NEXMIF: variants seen among roughly 807,000 people sequenced by gnomAD.
The protein encoded by NEXMIF is XLMR protein related to neurite extension.
In NEXMIF, 8 loss-of-function variants were observed where a neutral mutation model predicts 62.1. The ratio of observed to expected loss-of-function variants is 0.13; its 90% CI spans 0.08 to 0.23. The LOEUF (loss-of-function observed/expected upper bound fraction) is 0.23. Among genes scored for constraint, NEXMIF ranks in the 10% least tolerant of loss-of-function variants. The pLI is 1.00. For synonymous variants in NEXMIF, 404 were observed against 416.6 expected (o/e 0.97, Z 0.37); for missense variants, 976 against 1,113.3 (o/e 0.88, Z 1.75).
chrX:74,873,664 C>T (rs1404096537), intron 1 of NEXMIF, among the ~76,000 whole-genome samples: 1 of 111,918 alleles, frequency 8.9e-6, no homozygotes, highest in African/African-American at 3.2e-5. Context: ...TGTTTCCTGA[C>T]TTTTTAATGA....
At chrX:74,744,920 TTC>T (rs1569336174) in intron 2 of NEXMIF, among the ~76,000 whole-genome samples, 1 of 44,621 alleles carries the variant, frequency 2.2e-5, no homozygotes, top group African/African-American at 6.2e-5. Context: ...TCTCTCTCTC[TTC>T]TCTCTCTCCT....
chrX:74,805,067 C>T (rs1338469382), intron 1 of NEXMIF, among the ~76,000 whole-genome samples: 1 of 112,483 alleles, frequency 8.9e-6, no homozygotes, highest in Non-Finnish European at 1.9e-5. Flanking sequence ...GCTGTGCTCT[C>T]CCTCTTTCAA....
intron 3 of NEXMIF, 124 bp downstream of exon 3, chrX:74,739,976 G>T: frequency 1.7e-6 from 1 of 578,983 alleles, no homozygotes; most frequent in Non-Finnish European, 2.7e-6. Flanking sequence ...AAAAAGAAGG[G>T]AATGGGACAG....
intron 1 of NEXMIF, among the ~76,000 whole-genome samples, chrX:74,763,714 G>A (rs1030160549): frequency 1.4e-3 from 30 of 21,168 alleles, no homozygotes; most frequent in Non-Finnish European, 3.9e-3. Context: ...TAGGTATTTT[G>A]TTCTCTTTGA....
chrX:74,744,215 A>G lies in NEXMIF; in HGVS notation c.342T>C (p.Leu114=), dbSNP rs1569336011. 6.6e-6 allele frequency: 8 copies of G among 1,209,504 alleles called. No individual in the cohort carries two copies. The highest frequency in any genetic ancestry group is 8.9e-6 in the Non-Finnish European group (8 of 895,134). The change falls in exon 3 of 4, where the codon CTT becomes CTC. Residue 114 remains leucine, a synonymous_variant. Coordinates refer to ENST00000055682, the MANE Select transcript of NEXMIF (RefSeq NM_001008537.3). ...ATGGAGCTTTCTCACATTCATTGGG[A>G]AGTGACCATGTGTTCAGGCCTTTTG... ...GIAKGLNTWS[L]PNECEKAPFA... is the part of the protein sequence containing the mutation.
At chrX:74,858,318 A>G (rs1281773344) in intron 1 of NEXMIF, among the ~76,000 whole-genome samples, 1 of 112,120 alleles carries the variant, frequency 8.9e-6, no homozygotes, top group Non-Finnish European at 1.9e-5. Context: ...CTCAGCACAG[A>G]AAGAGAGAGA....
Position 74,741,925 on chromosome X carries a change from A to G in NEXMIF, c.2632T>C (p.Phe878Leu), listed in dbSNP as rs1213707117. ...CTATAGTTGCTTGATTCCATTTTGA[A>G]GTTATGAGATGACTGCTGCAGCTCA... ...DSELQQSSHNFKMESSNYRNV... is the reference protein window; with the variant it reads ...DSELQQSSHNLKMESSNYRNV... Residue 878 changes from phenylalanine (F) to leucine (L), a missense_variant, in exon 3 of 4, where the codon TTC (phenylalanine) becomes CTC (leucine). By Grantham distance (22) the Phe-to-Leu change is conservative. This residue lies in a region of NEXMIF where 639 missense variants were observed against 694.5 expected (regional missense o/e 0.92). Transcript: ENST00000055682. 2.5e-6 allele frequency: 3 copies of G among 1,211,709 alleles called. No homozygotes were observed. In the South Asian group the frequency reaches 5.3e-5, roughly 21 times the overall value.
chrX:74,833,454 A>G (rs757095612), intron 1 of NEXMIF, among the ~76,000 whole-genome samples: 1 of 111,123 alleles, frequency 9.0e-6, no homozygotes, highest in South Asian at 3.8e-4. Flanking sequence ...CTTTATTTTC[A>G]GTCCATGTAT....
At chrX:74,802,766 A>G (rs1231910168) in intron 1 of NEXMIF, among the ~76,000 whole-genome samples, 1 of 111,597 alleles carries the variant, frequency 9.0e-6, no homozygotes, top group Non-Finnish European at 1.9e-5. Flanking sequence ...CGTTTCACAC[A>G]GAGAATTCAA....
At chrX:74,882,145 G>C (rs951947848) in intron 1 of NEXMIF, among the ~76,000 whole-genome samples, 4 of 109,978 alleles carry the variant, frequency 3.6e-5, no homozygotes, top group East Asian at 2.9e-4. Context: ...TGATAGACTG[G>C]ATAAAGAAAA....
At position 74,744,405 on chromosome X, in the gene NEXMIF, G is replaced by A. The variant is rs200276575; in HGVS notation, c.152C>T (p.Pro51Leu). Reference protein sequence around the residue: ...LEAAAPIQPTPVAQKETLMYP... With the variant: ...LEAAAPIQPTLVAQKETLMYP... ...CATCAGGGTCTCTTTTTGTGCCACCGGTGTAGGCTGGATAGGTGCAGCAGC... is the reference window on the plus strand; with the variant it reads ...CATCAGGGTCTCTTTTTGTGCCACCAGTGTAGGCTGGATAGGTGCAGCAGC... Residue 51 changes from proline to leucine, a missense_variant, in exon 3 of 4, where the codon CCG (proline) becomes CTG (leucine). By Grantham distance (98) the Pro-to-Leu change is moderately conservative (BLOSUM62 -3). This residue lies in a region of NEXMIF where 126 missense variants were observed against 146.5 expected (regional missense o/e 0.86). Coordinates refer to ENST00000055682, the MANE Select transcript of NEXMIF (RefSeq NM_001008537.3). 1.7e-5 allele frequency: 20 copies of A among 1,207,230 alleles called. No homozygotes were observed. The East Asian group carries it at 3.6e-4, about 22-fold the overall frequency.
intron 1 of NEXMIF, chrX:74,769,840 C>A: frequency 2.5e-6 from 1 of 395,129 alleles, no homozygotes; most frequent in East Asian, 4.2e-5. Flanking sequence ...TAAATGTGGT[C>A]CTGATCAAGA....
At chrX:74,850,911 G>T (rs1320630999) in intron 1 of NEXMIF, among the ~76,000 whole-genome samples, 1 of 110,225 alleles carries the variant, frequency 9.1e-6, no homozygotes, top group Non-Finnish European at 1.9e-5. Flanking sequence ...ATTATTAAAA[G>T]TGTTGATATT....
chrX:74,886,557 A>C, intron 1 of NEXMIF, among the ~76,000 whole-genome samples: 1 of 111,639 alleles, frequency 9.0e-6, no homozygotes, highest in Non-Finnish European at 1.9e-5. Context: ...CAATTGCTTC[A>C]AAGAAAATGA....
chrX:74,742,427 C>A lies in NEXMIF; in HGVS notation c.2130G>T (p.Lys710Asn), dbSNP rs749479992. 8.3e-7 allele frequency: 1 copy of A among 1,211,399 alleles called. No homozygotes were observed. Among genetic ancestry groups the A allele is most frequent in the Admixed American group, 2.2e-5 (1 of 46,037 alleles). Reference protein sequence around the residue: ...VKVKAQDTEFKGPERKVLNKI... With the variant: ...VKVKAQDTEFNGPERKVLNKI... The stretch of plus-strand genomic sequence containing the variant: ...TATTGAGCACTTTCCTCTCTGGCCC[C>A]TTAAACTCTGTGTCTTGGGCTTTGA... Residue 710 changes from lysine to asparagine, a missense_variant, in exon 3 of 4, where the codon AAG (lysine) becomes AAT (asparagine). Physicochemically the swap from Lys to Asn is moderately conservative, Grantham distance 94. This residue lies in a region of NEXMIF where 639 missense variants were observed against 694.5 expected (regional missense o/e 0.92). Transcript: ENST00000055682.
chrX:74,894,648 T>C (rs1471557810), intron 1 of NEXMIF, among the ~76,000 whole-genome samples: 1 of 112,332 alleles, frequency 8.9e-6, no homozygotes, highest in African/African-American at 3.2e-5. Flanking sequence ...CATGACCAAG[T>C]GGGATTTATC....
At chrX:74,872,065 T>C (rs1392531728) in intron 1 of NEXMIF, among the ~76,000 whole-genome samples, 2 of 111,647 alleles carry the variant, frequency 1.8e-5, no homozygotes, top group Non-Finnish European at 3.8e-5. Flanking sequence ...GTTCAGAGAC[T>C]GCAGTAAAGA....
intron 1 of NEXMIF, among the ~76,000 whole-genome samples, chrX:74,767,087 A>G (rs1452779886): frequency 8.9e-6 from 1 of 112,435 alleles, no homozygotes; most frequent in Non-Finnish European, 1.9e-5. Flanking sequence ...GGGCTGCAAG[A>G]CAGCAAAGAG....
chrX:74,835,894 C>G (rs1435292929), intron 1 of NEXMIF, among the ~76,000 whole-genome samples: 1 of 112,182 alleles, frequency 8.9e-6, no homozygotes, highest in Non-Finnish European at 1.9e-5. Context: ...GAGATGTTGT[C>G]TGGGTGCCAG....
Sources: gnomAD v4.1 joint callset for allele counts (sites outside exome capture counted in the v4.1 genomes callset) on GRCh38, gnomAD v4.1.1 for gene constraint, gnomAD v4.1.1 regional missense constraint, MANE v1.5 for transcripts, NCBI Gene and HGNC (gene_info 2026-07-23, HGNC 2026-07-21) for gene names.